NRP2: variants seen among roughly 807,000 people sequenced by gnomAD.
NRP2 encodes the protein neuropilin 2.
In NRP2, 52 loss-of-function variants were observed where a neutral mutation model predicts 110.4. The ratio of observed to expected loss-of-function variants is 0.47; its 90% CI spans 0.38 to 0.59. The LOEUF is 0.59. Ranked by LOEUF, NRP2 falls within the 20% of genes least tolerant of loss-of-function variation. The probability of loss-of-function intolerance (pLI) is 0.00; values close to 1 mark genes in which losing one functional copy is unlikely to be tolerated. For synonymous variants in NRP2, 508 were observed against 468.9 expected, an observed-to-expected ratio of 1.08 and a Z score of -1.08; for missense variants, 1,049 against 1,203.0, an observed-to-expected ratio of 0.87 and a Z score of 1.89.
chr2:205,719,630 A>G (rs765842697), intron 3 of NRP2, among the ~76,000 whole-genome samples: 28 of 152,154 alleles, frequency 1.8e-4, no homozygotes, highest in Non-Finnish European at 3.7e-4. Flanking sequence ...GACACTTCAG[A>G]AACTGACATT....
intron 12 of NRP2, among the ~76,000 whole-genome samples, chr2:205,757,155 A>G (rs1279210454): frequency 1.3e-5 from 2 of 152,230 alleles, no homozygotes; most frequent in Admixed American, 1.3e-4. Flanking sequence ...AAAGAAAACA[A>G]GCGAAGCTGA....
Position 205,728,537 on chromosome 2 carries a change from T to G in NRP2, c.1146+491T>G, listed in dbSNP as rs1450008747. Among the ~76,000 whole-genome samples, 10 of 152,312 alleles carry G rather than the reference T, an allele frequency of 6.6e-5. No homozygotes were observed. In the East Asian group the frequency reaches 1.9e-3, roughly 29 times the overall value. On this transcript the variant is annotated intron_variant, in intron 7 of 16. Coordinates refer to ENST00000357785, the MANE Select transcript of NRP2 (RefSeq NM_003872.3). ...AATAATGAGGAGAAATTCAGTTTGTTGGGGATGGGCTCTGAACTGGCAATC... is the reference window on the plus strand; with the variant it reads ...AATAATGAGGAGAAATTCAGTTTGTGGGGGATGGGCTCTGAACTGGCAATC...
intron 2 of NRP2, among the ~76,000 whole-genome samples, chr2:205,715,779 A>G (rs923787558): frequency 1.9e-4 from 29 of 152,160 alleles, no homozygotes; most frequent in Admixed American, 1.0e-3. Context: ...TTTTATCCTC[A>G]TCTTACAGAT....
intron 15 of NRP2, among the ~76,000 whole-genome samples, chr2:205,787,699 G>A (rs1248129919): frequency 7.6e-6 from 1 of 131,050 alleles, no homozygotes; most frequent in Non-Finnish European, 1.6e-5. Context: ...AGGGAGAGAG[G>A]AAAGATAAAA....
chr2:205,788,010 A>C (rs1210809570), intron 15 of NRP2, among the ~76,000 whole-genome samples: 3 of 152,126 alleles, frequency 2.0e-5, no homozygotes, highest in Non-Finnish European at 4.4e-5. Flanking sequence ...TGTATTGACA[A>C]GCACACTAGA....
chr2:205,795,049 C>T lies in NRP2; in HGVS notation c.2772C>T (p.Ser924=), dbSNP rs761175695. The T allele has an allele frequency of 2.3e-5, 37 of 1,613,788 alleles. No homozygotes were observed. The Admixed American group carries it at 3.3e-4, about 15-fold the overall frequency. Residue 924 remains serine, a synonymous_variant, in exon 17 of 17, where the codon TCC becomes TCT. Transcript: ENST00000357785. ...KVKMNHQKCC[S]EA is the part of the protein sequence containing the mutation. ...AGATGAACCACCAAAAGTGCTGCTC[C>T]GAGGCATGACGGATTGCACCTGAAT...
rs2057859510 is a variant in NRP2, at chr2:205,763,569, A to T, written c.2045-105A>T. On this transcript the variant is annotated intron_variant, in intron 12 of 16. Transcript: ENST00000357785. This position sits in a 1 kb window ranked among gnomAD's most constrained non-coding sequence, Gnocchi z 4.0. Reference sequence around the variant, plus strand: ...GAACAAGGACATGAATAAACCAAAGACACCGAAACTCAGTCCCAACTTTCC... The same window carrying T: ...GAACAAGGACATGAATAAACCAAAGTCACCGAAACTCAGTCCCAACTTTCC... 1 of 1,451,584 alleles carries T rather than the reference A, an allele frequency of 6.9e-7. No homozygotes were observed. Among genetic ancestry groups the T allele is most frequent in the African/African-American group, 1.4e-5 (1 of 71,804 alleles). 89.9% of individuals were successfully genotyped at this position (1,451,584 alleles called of 1,614,324 possible).
intron 15 of NRP2, among the ~76,000 whole-genome samples, chr2:205,774,655 A>G (rs1466218085): frequency 2.6e-5 from 4 of 152,240 alleles, no homozygotes; most frequent in Non-Finnish European, 5.9e-5. Flanking sequence ...ATATTTTCCA[A>G]GAAAAATGTT....
chr2:205,796,080 C>T lies in NRP2; in HGVS notation c.*1022C>T, dbSNP rs1004668389. The T allele has an allele frequency of 6.6e-6, 1 of 152,148 alleles. No homozygotes were observed. Among genetic ancestry groups the T allele is most frequent in the Non-Finnish European group, 1.5e-5 (1 of 68,040 alleles). 9.4% of individuals were successfully genotyped at this position (152,148 alleles called of 1,614,324 possible). On this transcript the variant is annotated 3_prime_UTR_variant, in exon 17 of 17. Coordinates refer to ENST00000357785, the MANE Select transcript of NRP2 (RefSeq NM_003872.3). Reference sequence around the variant, plus strand: ...AAAATAGAGACTATTGGTATGTTCTCCCCATCAGCGAGTTATTGTAACTGG... The same window carrying T: ...AAAATAGAGACTATTGGTATGTTCTTCCCATCAGCGAGTTATTGTAACTGG...
chr2:205,690,322 G>A (rs1254368561), intron 1 of NRP2, among the ~76,000 whole-genome samples: 2 of 152,108 alleles, frequency 1.3e-5, no homozygotes, highest in African/African-American at 2.4e-5. Flanking sequence ...GCTTAGTGAT[G>A]AAGTAATAGT....
chr2:205,701,538 C>CA (rs11448123), intron 2 of NRP2: 113,649 of 129,138 alleles, frequency 0.88, 50,344 homozygotes, highest in Non-Finnish European at 0.96. Context: ...GACTCTGTCT[C>CA]AAAAAAAAAA....
intron 15 of NRP2, among the ~76,000 whole-genome samples, chr2:205,788,304 G>C (rs542487733): frequency 2.7e-4 from 41 of 152,262 alleles, no homozygotes; most frequent in Middle Eastern, 3.4e-3. Flanking sequence ...TAGCTACTGT[G>C]CCCACTTGAT....
At position 205,699,195 on chromosome 2, in the gene NRP2, A is replaced by G. The variant is rs111242653; in HGVS notation, c.251+1474A>G. Among the ~76,000 whole-genome samples, 647 of 152,322 alleles carry G rather than the reference A, an allele frequency of 4.2e-3. 3 individuals are homozygous for G. The highest frequency in any genetic ancestry group is 0.015 in the African/African-American group (618 of 41,570). On this transcript the variant is annotated intron_variant, in intron 2 of 16. Transcript: ENST00000357785. ...ATCAGTTCCTCTTTGTCTAAGTTAC[A>G]TGAGTACCCTGGATACATTTGCTCA...
chr2:205,751,539 G>A (rs1167059984), intron 11 of NRP2, among the ~76,000 whole-genome samples: 3 of 152,104 alleles, frequency 2.0e-5, no homozygotes, highest in African/African-American at 7.2e-5. Flanking sequence ...GATTCCATGT[G>A]TCTCTTCTAA....
Position 205,683,313 on chromosome 2 carries a change from G to A in NRP2, c.23G>A (p.Trp8Ter), listed in dbSNP as rs1310414913. The change falls in exon 1 of 17, where the codon TGG becomes TAG. Residue 8 changes from tryptophan (W) to a stop codon, truncating the protein, a stop_gained. Coordinates refer to ENST00000357785, the MANE Select transcript of NRP2 (RefSeq NM_003872.3). LOFTEE classifies it high-confidence loss of function. ...AAAATGGATATGTTTCCTCTCACCT[G>A]GGTTTTCTTAGCCCTCTACTTTTCA... is the stretch of plus-strand genomic sequence containing the variant. MDMFPLTWVFLALYFSRH... is the reference protein window; with the variant it reads MDMFPLT 1 of 1,613,772 alleles carries A rather than the reference G, an allele frequency of 6.2e-7. No homozygotes were observed. The highest frequency in any genetic ancestry group is 8.5e-7 in the Non-Finnish European group (1 of 1,179,812).
chr2:205,790,395 T>G (rs2058286127), intron 15 of NRP2, among the ~76,000 whole-genome samples: 1 of 152,188 alleles, frequency 6.6e-6, no homozygotes, highest in Admixed American at 6.5e-5. Flanking sequence ...ACTTCTTCCC[T>G]GAGGGTGTGA....
chr2:205,711,298 T>C (rs543318759), intron 2 of NRP2, among the ~76,000 whole-genome samples: 3 of 152,228 alleles, frequency 2.0e-5, no homozygotes, highest in Non-Finnish European at 4.4e-5. Context: ...ATGGTGCTTA[T>C]TGTCTGGTGC....
rs762216540 is a variant in NRP2 at position 205,697,636 on chromosome 2, G to A, written c.166G>A (p.Glu56Lys). 35 of 1,613,808 alleles carry A rather than the reference G, an allele frequency of 2.2e-5. No homozygotes were observed. The South Asian group carries it at 2.2e-4, about 10-fold the overall frequency. The change falls in exon 2 of 17, where the codon GAG (glutamate) becomes AAG (lysine). Residue 56 changes from glutamate (E) to lysine (K), a missense_variant. Glu to Lys is a moderately conservative substitution (Grantham distance 56). Transcript: ENST00000357785. ...GGACTACCCCTCCCACCAGAACTGC[G>A]AGTGGATTGTTTACGCCCCCGAACC... The part of the protein sequence containing the change: ...PQDYPSHQNC[E>K]WIVYAPEPNQ...
chr2:205,709,189 C>A (rs976125964), intron 2 of NRP2, among the ~76,000 whole-genome samples: 3 of 152,172 alleles, frequency 2.0e-5, no homozygotes, highest in African/African-American at 7.2e-5. Flanking sequence ...GTCTGAAACA[C>A]TGTTGATGGA....
Sources: allele counts gnomAD v4.1 joint callset (sites outside exome capture counted in the v4.1 genomes callset), GRCh38; gene constraint gnomAD v4.1.1; non-coding constraint Gnocchi (gnomAD v3.1); transcripts MANE v1.5; gene names NCBI Gene and HGNC (gene_info 2026-07-23, HGNC 2026-07-21).